PTAFR: variants seen among roughly 807,000 people sequenced by gnomAD.
The protein encoded by PTAFR is platelet-activating factor receptor.
PTAFR carries 8 observed loss-of-function variants against 14.7 expected under a neutral mutation model. That is an observed-to-expected ratio of 0.54 (90% CI 0.32 to 0.98). The LOEUF (loss-of-function observed/expected upper bound fraction) is 0.98. Among genes scored for constraint, PTAFR ranks in the 50% least tolerant of loss-of-function variants. The pLI is 0.04. For missense variants in PTAFR, 337 were observed against 451.2 expected (o/e 0.75, Z 2.29); for synonymous variants, 156 against 176.5 (o/e 0.88, Z 0.92).
At chr1:28,155,166 T>C (rs942442176) in intron 1 of PTAFR, among the ~76,000 whole-genome samples, 1 of 152,186 alleles carries the variant, frequency 6.6e-6, no homozygotes, top group African/African-American at 2.4e-5. Flanking sequence ...CCCATCTTGC[T>C]GTTTTGAATG....
upstream of PTAFR, among the ~76,000 whole-genome samples, chr1:28,180,078 G>A (rs924003553): frequency 6.6e-6 from 1 of 152,206 alleles, no homozygotes; most frequent in African/African-American, 2.4e-5. Flanking sequence ...GGAAGCTGAG[G>A]CGGAAGGATC....
intron 1 of PTAFR, among the ~76,000 whole-genome samples, chr1:28,187,879 C>T (rs2149008813): frequency 6.6e-6 from 1 of 152,296 alleles, no homozygotes; most frequent in Admixed American, 6.5e-5. Context: ...CATTAAAAGA[C>T]ACTGTAAAAC....
chr1:28,177,075 A>C (rs1433508401), upstream of PTAFR: 1 of 152,574 alleles, frequency 6.6e-6, no homozygotes, highest in African/African-American at 2.4e-5. Context: ...TCAGGGAAAA[A>C]GACAGATGTA....
intron 1 of PTAFR, among the ~76,000 whole-genome samples, chr1:28,157,717 C>T (rs1646280861): frequency 6.6e-6 from 1 of 151,632 alleles, no homozygotes; most frequent in Non-Finnish European, 1.5e-5. Flanking sequence ...CAAGCTCCGC[C>T]TCCTGGGTTC....
chr1:28,168,250 C>T (rs1006812240), intron 1 of PTAFR, among the ~76,000 whole-genome samples: 4 of 151,706 alleles, frequency 2.6e-5, no homozygotes, highest in Admixed American at 1.3e-4. Flanking sequence ...GGATTACAGG[C>T]GTGAGCCACC....
In PTAFR at chr1:28,149,555, G is replaced by C. The variant is rs1054982113; in HGVS notation, c.*438C>G. On this transcript the variant is annotated 3_prime_UTR_variant, in exon 2 of 2. Transcript: ENST00000373857. ...TTACAATGTTGGCCAGGATGGTCTCGATCTCTTGACCCATGATCTGCCCAC... is the reference window on the plus strand; with the variant it reads ...TTACAATGTTGGCCAGGATGGTCTCCATCTCTTGACCCATGATCTGCCCAC... 6.0e-6 allele frequency: 1 copy of C among 166,250 alleles called. No homozygotes were observed. The highest frequency in any genetic ancestry group is 2.4e-5 in the African/African-American group (1 of 41,542). 10.3% of individuals were successfully genotyped at this position (166,250 alleles called of 1,614,324 possible). A position where few individuals can be genotyped will look rare whatever the true frequency, so the allele number is the denominator to read the frequency against.
intron 1 of PTAFR, among the ~76,000 whole-genome samples, chr1:28,174,743 T>C (rs1173425840): frequency 1.3e-5 from 2 of 152,222 alleles, no homozygotes; most frequent in Non-Finnish European, 2.9e-5. Context: ...GGATAAAGGA[T>C]ACAACAGTGA....
chr1:28,182,868 A>G (rs749612786), intron 1 of PTAFR, among the ~76,000 whole-genome samples: 5 of 152,124 alleles, frequency 3.3e-5, no homozygotes, highest in Non-Finnish European at 7.4e-5. Flanking sequence ...TGTAGTAGAG[A>G]TGGGGTTTCA....
At chr1:28,172,529 T>A (rs569493403) in intron 1 of PTAFR, among the ~76,000 whole-genome samples, 2 of 152,352 alleles carry the variant, frequency 1.3e-5, no homozygotes, top group South Asian at 4.1e-4. Flanking sequence ...TTTCTTCATC[T>A]GCAAAATGAT....
intron 1 of PTAFR, among the ~76,000 whole-genome samples, chr1:28,183,746 C>T (rs1048288858): frequency 5.3e-5 from 8 of 151,974 alleles, no homozygotes; most frequent in Non-Finnish European, 7.4e-5. Context: ...ATTAGCCGGG[C>T]GTGGTGGCAC....
At chr1:28,188,410 C>G (rs1004549871) in intron 1 of PTAFR, among the ~76,000 whole-genome samples, 3 of 152,120 alleles carry the variant, frequency 2.0e-5, no homozygotes, top group Non-Finnish European at 4.4e-5. Context: ...CTTGCCACTG[C>G]ACGCCAGCCT....
At chr1:28,180,334 C>T (rs1046166816), upstream of PTAFR, among the ~76,000 whole-genome samples, 1 of 152,068 alleles carries the variant, frequency 6.6e-6, no homozygotes, top group Non-Finnish European at 1.5e-5. Context: ...GAGCCAAGAT[C>T]AAGCCACTGC....
chr1:28,188,548 G>A (rs906697645), intron 1 of PTAFR, among the ~76,000 whole-genome samples: 1 of 152,154 alleles, frequency 6.6e-6, no homozygotes, highest in African/African-American at 2.4e-5. Context: ...AGACCAGCAC[G>A]GCCAACGTGG....
upstream of PTAFR, among the ~76,000 whole-genome samples, chr1:28,180,693 T>C (rs1037456660): frequency 1.2e-4 from 18 of 152,180 alleles, no homozygotes; most frequent in African/African-American, 4.3e-4. Context: ...AACTGGTATA[T>C]GGACAGGATT....
intron 1 of PTAFR, among the ~76,000 whole-genome samples, chr1:28,168,366 A>T (rs373242751): frequency 1.4e-3 from 218 of 152,328 alleles, no homozygotes; most frequent in African/African-American, 5.1e-3. Context: ...GTCCATGGAC[A>T]GATGAATGGA....
chr1:28,172,535 A>G (rs1025625420), intron 1 of PTAFR, among the ~76,000 whole-genome samples: 6 of 152,216 alleles, frequency 3.9e-5, no homozygotes, highest in African/African-American at 1.4e-4. Flanking sequence ...CATCTGCAAA[A>G]TGATGGTAAT....
At chr1:28,179,587 G>A (rs921387343), upstream of PTAFR, among the ~76,000 whole-genome samples, 5 of 151,952 alleles carry the variant, frequency 3.3e-5, no homozygotes, top group African/African-American at 1.2e-4. Flanking sequence ...ATGCTGAGGC[G>A]GGCAGATCAC....
chr1:28,164,306 T>C (rs761270403), intron 1 of PTAFR, among the ~76,000 whole-genome samples: 26 of 152,204 alleles, frequency 1.7e-4, no homozygotes, highest in Non-Finnish European at 2.5e-4. Flanking sequence ...ATAAATAAGA[T>C]ACATCCAAGT....
chr1:28,157,398 C>T (rs1160244708), intron 1 of PTAFR, among the ~76,000 whole-genome samples: 1 of 152,116 alleles, frequency 6.6e-6, no homozygotes, highest in Non-Finnish European at 1.5e-5. Context: ...AACTCCTGAC[C>T]TCAAGTGATC....
Sources: allele counts gnomAD v4.1 joint callset (sites outside exome capture counted in the v4.1 genomes callset), GRCh38; gene constraint gnomAD v4.1.1; transcripts MANE v1.5; gene names NCBI Gene and HGNC (gene_info 2026-07-23, HGNC 2026-07-21).